The following NRXN1 variants were observed in gnomAD, a reference collection of about 807,000 sequenced individuals.
NRXN1 encodes neurexin 1.
A neutral mutation model predicts 150.9 loss-of-function variants in NRXN1; 39 were observed. The observed-to-expected ratio is 0.26, with a 90% CI of 0.20 to 0.34. NRXN1 has a LOEUF of 0.34. NRXN1 is among the 10% of genes least tolerant of loss of function. NRXN1 has a pLI of 1.00. For synonymous variants in NRXN1, 924 were observed against 757.0 expected (o/e 1.22, Z -3.62); for missense variants, 1,815 against 1,949.9 (o/e 0.93, Z 1.30).
At chr2:49,933,996 T>C (rs1312017210) in intron 22 of NRXN1, among the ~76,000 whole-genome samples, 1 of 152,210 alleles carries the variant, frequency 6.6e-6, no homozygotes, top group African/African-American at 2.4e-5. Flanking sequence ...GGCCATTAAC[T>C]GTGGTGCTGC....
At chr2:50,371,182 G>A (rs1240359033) in intron 17 of NRXN1, among the ~76,000 whole-genome samples, 1 of 151,908 alleles carries the variant, frequency 6.6e-6, no homozygotes, top group African/African-American at 2.4e-5. Flanking sequence ...TATTACAAAG[G>A]GCATTCTTTA....
intron 2 of NRXN1, among the ~76,000 whole-genome samples, chr2:50,981,361 G>A (rs781396436): frequency 5.4e-5 from 8 of 148,376 alleles, no homozygotes; most frequent in Non-Finnish European, 8.9e-5. Flanking sequence ...AGGAGGCTGA[G>A]GCAGGAGAGT....
chr2:50,774,628 A>G (rs1013764669), intron 5 of NRXN1, among the ~76,000 whole-genome samples: 17 of 152,286 alleles, frequency 1.1e-4, no homozygotes, highest in African/African-American at 3.8e-4. Flanking sequence ...AATTGACTAG[A>G]CTATGCATTT....
chr2:51,019,750 G>C (rs1298020629), intron 2 of NRXN1, among the ~76,000 whole-genome samples: 1 of 151,990 alleles, frequency 6.6e-6, no homozygotes, highest in Non-Finnish European at 1.5e-5. Flanking sequence ...CTCCGTGGAT[G>C]CAAGTGTAAA....
intron 5 of NRXN1, among the ~76,000 whole-genome samples, chr2:50,880,496 G>A (rs991844583): frequency 2.6e-5 from 4 of 151,948 alleles, no homozygotes; most frequent in African/African-American, 9.7e-5. Context: ...GTCTCCCACA[G>A]ATAGAACAAT....
intron 17 of NRXN1, among the ~76,000 whole-genome samples, chr2:50,379,790 T>G (rs1166241833): frequency 2.0e-5 from 3 of 152,196 alleles, no homozygotes; most frequent in Non-Finnish European, 4.4e-5. Flanking sequence ...GCTTAATTCT[T>G]TATTAAATAC....
chr2:49,962,485 G>A (rs915150453), intron 21 of NRXN1, among the ~76,000 whole-genome samples: 1 of 152,126 alleles, frequency 6.6e-6, no homozygotes, highest in East Asian at 1.9e-4. Context: ...CCTGAAACTA[G>A]TGTAGGACAA....
intron 5 of NRXN1, among the ~76,000 whole-genome samples, chr2:50,867,735 T>G (rs1677143820): frequency 6.6e-6 from 1 of 151,820 alleles, no homozygotes; most frequent in Non-Finnish European, 1.5e-5. Flanking sequence ...TTGGCTACAT[T>G]TTTAAATCTA....
intron 18 of NRXN1, among the ~76,000 whole-genome samples, chr2:50,159,246 AG>A (rs1183290990): frequency 1.3e-5 from 2 of 152,190 alleles, no homozygotes; most frequent in African/African-American, 4.8e-5. Context: ...GCTCAAAAGT[AG>A]CCTCAAAACC....
At chr2:50,023,203 G>C (rs1483590190) in intron 21 of NRXN1, 1 of 152,166 alleles carries the variant, frequency 6.6e-6, no homozygotes, top group African/African-American at 2.4e-5. Context: ...TGGAAAGAAA[G>C]TCCTACTACT....
intron 8 of NRXN1, among the ~76,000 whole-genome samples, chr2:50,589,762 T>C (rs1196291577): frequency 6.8e-6 from 1 of 147,632 alleles, no homozygotes; most frequent in Non-Finnish European, 1.5e-5. Context: ...ACCAAAAGAC[T>C]GTGTCTTGCC....
At chr2:50,859,181 A>T (rs1675723815) in intron 5 of NRXN1, among the ~76,000 whole-genome samples, 1 of 151,866 alleles carries the variant, frequency 6.6e-6, no homozygotes. Flanking sequence ...TCACAAGTGC[A>T]ATTACCTGGC....
intron 17 of NRXN1, among the ~76,000 whole-genome samples, chr2:50,248,471 T>C (rs548021802): frequency 2.1e-4 from 32 of 152,202 alleles, no homozygotes; most frequent in Non-Finnish European, 4.3e-4. Flanking sequence ...ACTTTTGTTC[T>C]ACCTAATAAA....
At chr2:50,027,365 GCTTC>G (rs1294526265) in intron 21 of NRXN1, among the ~76,000 whole-genome samples, 4 of 73,052 alleles carry the variant, frequency 5.5e-5, no homozygotes, top group East Asian at 3.8e-4. Context: ...TTCCTTCGTT[GCTTC>G]CTTCCTTCCT....
chr2:50,378,036 A>G (rs563034438), intron 17 of NRXN1, among the ~76,000 whole-genome samples: 1 of 152,290 alleles, frequency 6.6e-6, no homozygotes, highest in African/African-American at 2.4e-5. Flanking sequence ...TGGAATCTTC[A>G]TCTCAGTAAA....
intron 18 of NRXN1, among the ~76,000 whole-genome samples, chr2:50,127,332 CAAAGTATTAGTACAT>C (rs1377747190): frequency 1.3e-5 from 2 of 151,994 alleles, no homozygotes; most frequent in African/African-American, 4.8e-5. Flanking sequence ...CAGCCAAACT[CAAAGTATTAGTACAT>C]AAATCATATA....
At chr2:50,622,348 G>A (rs1279885116) in intron 6 of NRXN1, among the ~76,000 whole-genome samples, 2 of 152,162 alleles carry the variant, frequency 1.3e-5, no homozygotes, top group African/African-American at 4.8e-5. Context: ...AGAGAGGGCT[G>A]TTTTGGTAAA....
intron 17 of NRXN1, among the ~76,000 whole-genome samples, chr2:50,423,600 A>AAAGAAAG (rs2084175918): frequency 6.6e-6 from 1 of 152,184 alleles, no homozygotes; most frequent in African/African-American, 2.4e-5. Context: ...TTAATTAATA[A>AAAGAAAG]AAATCTTTAT....
chr2:50,639,202 TTTTC>T (rs748620258), intron 5 of NRXN1, among the ~76,000 whole-genome samples: 49 of 127,934 alleles, frequency 3.8e-4, no homozygotes, highest in African/African-American at 8.5e-4. Context: ...TTTATCATTT[TTTTC>T]TTTCTTTCTT....
Sources: gnomAD v4.1 joint callset for allele counts (sites outside exome capture counted in the v4.1 genomes callset) on GRCh38, gnomAD v4.1.1 for gene constraint, MANE v1.5 for transcripts, NCBI Gene and HGNC (gene_info 2026-07-23, HGNC 2026-07-21) for gene names.